The following HTR5A variants were observed in gnomAD, a reference collection of about 807,000 sequenced individuals.
HTR5A encodes the protein 5-HT-5.
A neutral mutation model predicts 24.3 loss-of-function variants in HTR5A; 21 were observed. The observed-to-expected ratio is 0.86, with a 90% confidence interval of 0.61 to 1.24. The LOEUF (loss-of-function observed/expected upper bound fraction) is 1.24, where lower values mean the gene tolerates loss of function less well. Ranked by LOEUF, HTR5A falls within the 50% of genes most tolerant of loss-of-function variation. HTR5A has a pLI of 0.00. For missense variants in HTR5A, 497 were observed against 489.5 expected, an observed-to-expected ratio of 1.02 and a Z score of -0.15; for synonymous variants, 260 against 213.7, an observed-to-expected ratio of 1.22 and a Z score of -1.89.
intron 1 of HTR5A, chr7:155,077,350 T>C (rs981104975): frequency 6.6e-6 from 1 of 152,228 alleles, no homozygotes; most frequent in Non-Finnish European, 1.5e-5. Flanking sequence ...TTAAGTAAAG[T>C]TGATTTTCTC....
At position 155,084,572 on chromosome 7, in the gene HTR5A, C is replaced by G. The variant is rs1448174832; in HGVS notation, c.*85C>G. On this transcript the variant is annotated 3_prime_UTR_variant, in exon 2 of 2. Coordinates refer to ENST00000287907, the MANE Select transcript of HTR5A (RefSeq NM_024012.4). The stretch of plus-strand genomic sequence containing the variant: ...TCCATTTCCCATCCCCACCCAACAG[C>G]CATGTGGACGGGATGAATCCTCACC... 2 of 1,137,534 alleles carry G rather than the reference C, an allele frequency of 1.8e-6. No homozygotes were observed. The highest frequency in any genetic ancestry group is 2.5e-6 in the Non-Finnish European group (2 of 789,440). 70.5% of individuals were successfully genotyped at this position (1,137,534 alleles called of 1,614,324 possible).
intron 1 of HTR5A, 78 bp downstream of exon 1, chr7:155,071,718 C>G: frequency 6.8e-7 from 1 of 1,464,824 alleles, no homozygotes; most frequent in Non-Finnish European, 9.2e-7. Context: ...TGCCCCACCC[C>G]CACACTTGTA....
In HTR5A at chr7:155,085,496, T is replaced by C. The variant is rs575670390; in HGVS notation, c.*1009T>C. The C allele has an allele frequency of 1.2e-3, 190 of 152,304 alleles. 2 individuals are homozygous for C. Among genetic ancestry groups the C allele is most frequent in the African/African-American group, 3.3e-3 (138 of 41,556 alleles). 9.4% of individuals were successfully genotyped at this position (152,304 alleles called of 1,614,324 possible). On this transcript the variant is annotated 3_prime_UTR_variant, in exon 2 of 2. Transcript: ENST00000287907. ...TATTTTTTGTTGGTATGTGAATTCC[T>C]GCTAGGAGGCCGAGGCTAGTAGGCA...
In HTR5A at chr7:155,070,548, G is replaced by C; in HGVS notation, c.-352G>C. 2.7e-6 allele frequency: 1 copy of C among 373,602 alleles called. No individual in the cohort carries two copies. Among genetic ancestry groups the C allele is most frequent in the Non-Finnish European group, 5.1e-6 (1 of 196,662 alleles). The allele number at this position is 373,602 out of a possible 1,614,324, so 23.1% of individuals were successfully genotyped here. ...GCACCCACACGCTGCTGGCCGCCCA[G>C]CTTCTCCCCGATCTGGGAGATGCTC... On this transcript the variant is annotated 5_prime_UTR_variant, in exon 1 of 2. Transcript: ENST00000287907.
At chr7:155,075,284 TAA>T (rs1795348378) in intron 1 of HTR5A, among the ~76,000 whole-genome samples, 1 of 152,232 alleles carries the variant, frequency 6.6e-6, no homozygotes, top group Non-Finnish European at 1.5e-5. Flanking sequence ...TTGGTCCTCT[TAA>T]TGATGAAGTT....
intron 1 of HTR5A, among the ~76,000 whole-genome samples, chr7:155,076,638 G>A (rs1795362119): frequency 3.9e-5 from 6 of 152,130 alleles, no homozygotes; most frequent in Admixed American, 3.3e-4. Context: ...TGCAGTTATG[G>A]GATTCCCCTT....
chr7:155,077,389 C>G (rs1214590919), intron 1 of HTR5A, among the ~76,000 whole-genome samples: 4 of 151,960 alleles, frequency 2.6e-5, no homozygotes, highest in African/African-American at 9.7e-5. Context: ...TACTATATAG[C>G]CAGAAATTTG....
At position 155,071,002 on chromosome 7, in the gene HTR5A, C is replaced by T; in HGVS notation, c.103C>T (p.Leu35=). 1 of 1,612,076 alleles carries T rather than the reference C, an allele frequency of 6.2e-7. No individual in the cohort carries two copies. The highest frequency in any genetic ancestry group is 8.5e-7 in the Non-Finnish European group (1 of 1,180,046). The change falls in exon 1 of 2, where the codon CTG becomes TTG. Residue 35 remains leucine, a synonymous_variant. Transcript: ENST00000287907. ...GKDDLRPSSP[L]LSVFGVLILT... is the part of the protein sequence containing the mutation. ...AGACGACCTGCGCCCCAGCTCGCCC[C>T]TGCTCTCGGTCTTCGGAGTGCTTAT...
In HTR5A at chr7:155,085,705, T is replaced by C. The variant is rs1795469457; in HGVS notation, c.*1218T>C. Reference sequence around the variant, plus strand: ...AACTGCCTGTGGTCTGCTATGTCTCTGACTCTTCAAATGCATGAATTAAAG... The same window carrying C: ...AACTGCCTGTGGTCTGCTATGTCTCCGACTCTTCAAATGCATGAATTAAAG... On this transcript the variant is annotated 3_prime_UTR_variant, in exon 2 of 2. Coordinates refer to ENST00000287907, the MANE Select transcript of HTR5A (RefSeq NM_024012.4). The C allele has an allele frequency of 6.6e-6, 1 of 152,236 alleles. No homozygotes were observed. The highest frequency in any genetic ancestry group is 1.9e-4 in the East Asian group (1 of 5,204). 9.4% of individuals were successfully genotyped at this position (152,236 alleles called of 1,614,324 possible).
rs1795274371 is a variant in HTR5A at position 155,070,434 on chromosome 7, T to C, written c.-466T>C. On this transcript the variant is annotated 5_prime_UTR_variant, in exon 1 of 2. Coordinates refer to ENST00000287907, the MANE Select transcript of HTR5A (RefSeq NM_024012.4). ...CAAAACTGGCTTCCCTAGCACGGAG[T>C]TAAGGCTGCAGCCGGCTGCCTAGAG... 2.2e-6 allele frequency: 1 copy of C among 444,698 alleles called. No homozygotes were observed. The highest frequency in any genetic ancestry group is 2.0e-5 in the African/African-American group (1 of 49,212). 27.5% of individuals were successfully genotyped at this position (444,698 alleles called of 1,614,324 possible).
chr7:155,084,179 C>A lies in HTR5A; in HGVS notation c.766C>A (p.Gln256Lys), dbSNP rs1212370705. Residue 256 changes from glutamine (Q) to lysine (K), a missense_variant, in exon 2 of 2, where the codon CAG (glutamine) becomes AAG (lysine). Coordinates refer to ENST00000287907, the MANE Select transcript of HTR5A (RefSeq NM_024012.4). ...VEVKDSAKQP[Q>K]MVFTVRHATV... ...GGTGAAGGACTCTGCCAAACAGCCC[C>A]AGATGGTGTTCACGGTCCGCCACGC... 6.2e-7 allele frequency: 1 copy of A among 1,611,676 alleles called. No individual in the cohort carries two copies. Among genetic ancestry groups the A allele is most frequent in the South Asian group, 1.1e-5 (1 of 90,814 alleles).
At position 155,084,201 on chromosome 7, in the gene HTR5A, A is replaced by C. The variant is rs770293896; in HGVS notation, c.788A>C (p.His263Pro). ...CCCCAGATGGTGTTCACGGTCCGCCACGCCACCGTCACCTTCCAGCCAGAA... is the reference window on the plus strand; with the variant it reads ...CCCCAGATGGTGTTCACGGTCCGCCCCGCCACCGTCACCTTCCAGCCAGAA... ...KQPQMVFTVR[H>P]ATVTFQPEGD... Residue 263 changes from histidine to proline, a missense_variant, in exon 2 of 2, where the codon CAC (histidine) becomes CCC (proline). Transcript: ENST00000287907. 2 of 1,613,792 alleles carry C rather than the reference A, an allele frequency of 1.2e-6. No individual in the cohort carries two copies.
rs746794415 is a variant in HTR5A, at chr7:155,071,446, G to A, written c.547G>A (p.Glu183Lys). The A allele has an allele frequency of 6.2e-7, 1 of 1,614,232 alleles. No individual in the cohort carries two copies. Among genetic ancestry groups the A allele is most frequent in the South Asian group, 1.1e-5 (1 of 91,090 alleles). Reference sequence around the variant, plus strand: ...GGCCCCGCTGCTTTTTGGCTGGGGAGAGACGTACTCTGAGGGCAGCGAGGA... The same window carrying A: ...GGCCCCGCTGCTTTTTGGCTGGGGAAAGACGTACTCTGAGGGCAGCGAGGA... ...SLAPLLFGWG[E>K]TYSEGSEECQ... Residue 183 changes from glutamate to lysine, a missense_variant, in exon 1 of 2, where the codon GAG becomes AAG. Transcript: ENST00000287907.
At chr7:155,073,869 A>G (rs71165613) in intron 1 of HTR5A, among the ~76,000 whole-genome samples, 37,371 of 98,210 alleles carry the variant, frequency 0.38, 6,615 homozygotes, top group East Asian at 0.61. Context: ...GTGTGTGTAT[A>G]TATATATGTA....
intron 1 of HTR5A, chr7:155,074,577 G>A (rs1159162210): frequency 6.7e-6 from 1 of 149,418 alleles, no homozygotes; most frequent in African/African-American, 2.5e-5. Context: ...TCAGAACTGA[G>A]GGGCTAACAC....
In HTR5A at chr7:155,084,286, TG is replaced by T. The variant is rs746782576; in HGVS notation, c.875del (p.Gly292AlafsTer45). The T allele has an allele frequency of 6.2e-7, 1 of 1,614,158 alleles. No homozygotes were observed. Among genetic ancestry groups the T allele is most frequent in the Non-Finnish European group, 8.5e-7 (1 of 1,180,024 alleles). The part of the protein sequence containing the change: ...RAALMVGILI[G>X]VFVLCWIPFF... ...CCGCCCTCATGGTGGGCATCCTCATTGGCGTGTTCGTGCTCTGCTGGATCCC... is the reference window on the plus strand; with the variant it reads ...CCGCCCTCATGGTGGGCATCCTCATTGCGTGTTCGTGCTCTGCTGGATCCC... On this transcript the variant is annotated frameshift_variant, in exon 2 of 2. Coordinates refer to ENST00000287907, the MANE Select transcript of HTR5A (RefSeq NM_024012.4). LOFTEE classifies it high-confidence loss of function.
intron 1 of HTR5A, among the ~76,000 whole-genome samples, chr7:155,081,798 A>G (rs1795420621): frequency 6.6e-6 from 1 of 152,170 alleles, no homozygotes; most frequent in African/African-American, 2.4e-5. Context: ...CAAACAACCA[A>G]GACCCTCCTA....
At position 155,071,516 on chromosome 7, in the gene HTR5A, T is replaced by C. The variant is rs201305093; in HGVS notation, c.617T>C (p.Val206Ala). ...CCTTCCTACGCCGTGTTCTCCACCG[T>C]AGGCGCCTTCTACCTGCCGCTCTGT... ...REPSYAVFSTVGAFYLPLCVV... is the reference protein window; with the variant it reads ...REPSYAVFSTAGAFYLPLCVV... Residue 206 changes from valine to alanine, a missense_variant, in exon 1 of 2, where the codon GTA (valine) becomes GCA (alanine). Coordinates refer to ENST00000287907, the MANE Select transcript of HTR5A (RefSeq NM_024012.4). The C allele has an allele frequency of 6.2e-7, 1 of 1,614,174 alleles. No individual in the cohort carries two copies. The highest frequency in any genetic ancestry group is 1.7e-5 in the Admixed American group (1 of 60,020).
At chr7:155,073,916 T>TATAC (rs1563419752) in intron 1 of HTR5A, among the ~76,000 whole-genome samples, 3 of 131,678 alleles carry the variant, frequency 2.3e-5, no homozygotes, top group African/African-American at 8.3e-5. Context: ...TATATATATA[T>TATAC]GTATATATAT....
Sources: allele counts gnomAD v4.1 joint callset (sites outside exome capture counted in the v4.1 genomes callset), GRCh38; gene constraint gnomAD v4.1.1; transcripts MANE v1.5; gene names NCBI Gene and HGNC (gene_info 2026-07-23, HGNC 2026-07-21).